CDH9: variants seen among roughly 807,000 people sequenced by gnomAD.
CDH9 encodes the protein cadherin 9, also known as cadherin-9.
In CDH9, 28 loss-of-function variants were observed where a neutral mutation model predicts 70.9. That is an observed-to-expected ratio of 0.40 (90% CI 0.29 to 0.54). The LOEUF is 0.54. Ranked by LOEUF, CDH9 falls within the 20% of genes least tolerant of loss-of-function variation. CDH9 has a pLI of 0.59. For missense variants in CDH9, 874 were observed against 984.4 expected (o/e 0.89, Z 1.50); for synonymous variants, 409 against 343.1 (o/e 1.19, Z -2.12).
intron 2 of CDH9, among the ~76,000 whole-genome samples, chr5:26,985,287 C>T (rs1266673651): frequency 6.6e-6 from 1 of 152,002 alleles, no homozygotes; most frequent in Non-Finnish European, 1.5e-5. Flanking sequence ...AATGGCAGGC[C>T]TTTCCAAAAT....
intron 1 of CDH9, among the ~76,000 whole-genome samples, chr5:27,031,465 C>T (rs925776364): frequency 1.3e-5 from 2 of 151,874 alleles, no homozygotes; most frequent in Non-Finnish European, 2.9e-5. Context: ...AGGAAGATTA[C>T]AATTTATGGT....
At chr5:26,903,400 A>G (rs1026970196) in intron 6 of CDH9, 1 of 619,768 alleles carries the variant, frequency 1.6e-6, no homozygotes, top group Admixed American at 2.7e-5. Context: ...CTTGAAGTTT[A>G]TCTAATTTTA....
At position 26,985,112 on chromosome 5, in the gene CDH9, A is replaced by G. The variant is rs1742466959; in HGVS notation, c.228+2994T>C. Among the ~76,000 whole-genome samples, 3 of 152,160 alleles carry G rather than the reference A, an allele frequency of 2.0e-5. No homozygotes were observed. In the East Asian group the frequency reaches 5.8e-4, roughly 29 times the overall value. On this transcript the variant is annotated intron_variant, in intron 2 of 11. Coordinates refer to ENST00000231021, the MANE Select transcript of CDH9 (RefSeq NM_016279.4). ...TTTACATTTCATGCTGTATGCAAAA[A>G]CAACCAATCCTAGAATTCTGGACCT...
chr5:26,945,430 T>G, intron 2 of CDH9, among the ~76,000 whole-genome samples: 1 of 152,076 alleles, frequency 6.6e-6, no homozygotes, highest in East Asian at 1.9e-4. Context: ...CATTAGAAAA[T>G]AAAAGTTTCT....
intron 2 of CDH9, among the ~76,000 whole-genome samples, chr5:26,922,682 A>G (rs1398720212): frequency 6.6e-6 from 1 of 152,090 alleles, no homozygotes; most frequent in Non-Finnish European, 1.5e-5. Context: ...GTAAGTACCC[A>G]GAAAGACACA....
intron 2 of CDH9, among the ~76,000 whole-genome samples, chr5:26,961,061 T>G (rs1256308114): frequency 6.6e-6 from 1 of 152,204 alleles, no homozygotes; most frequent in South Asian, 2.1e-4. Flanking sequence ...TCTCTTAAAG[T>G]TGATTGCCCA....
intron 6 of CDH9, chr5:26,903,071 T>C (rs562345006): frequency 1.5e-5 from 3 of 199,272 alleles, no homozygotes; most frequent in South Asian, 2.0e-4. Context: ...AGAAGAAAAA[T>C]ATAAAATAGA....
At chr5:27,014,590 T>G (rs2112118556) in intron 1 of CDH9, among the ~76,000 whole-genome samples, 1 of 151,984 alleles carries the variant, frequency 6.6e-6, no homozygotes, top group East Asian at 1.9e-4. Flanking sequence ...TGATAGACAG[T>G]TTTTATTTAA....
Position 26,988,366 on chromosome 5 carries a change from T to C in CDH9, c.-33A>G, listed in dbSNP as rs1554002411. 3 of 1,597,238 alleles carry C rather than the reference T, an allele frequency of 1.9e-6. No individual in the cohort carries two copies. Among genetic ancestry groups the C allele is most frequent in the Non-Finnish European group, 1.7e-6 (2 of 1,169,716 alleles). ...AACTTCAGTGGGTTGTCAAATTCAA[T>C]GTATTGTTTGTTTTTCCTAAAGAGT... On this transcript the variant is annotated 5_prime_UTR_variant, in exon 2 of 12. Transcript: ENST00000231021.
chr5:26,948,988 C>G (rs1312021820), intron 2 of CDH9, among the ~76,000 whole-genome samples: 1 of 152,144 alleles, frequency 6.6e-6, no homozygotes, highest in Non-Finnish European at 1.5e-5. Context: ...TTCTTATCCA[C>G]TGGTGCCAGA....
chr5:26,886,194 C>T, intron 9 of CDH9, 111 bp from the exon 10 acceptor site: 2 of 1,257,246 alleles, frequency 1.6e-6, no homozygotes, highest in East Asian at 5.3e-5. Context: ...GAAAACAAAG[C>T]AAGAAAACAA....
intron 1 of CDH9, among the ~76,000 whole-genome samples, chr5:26,993,176 T>C (rs1286690569): frequency 6.6e-6 from 1 of 151,228 alleles, no homozygotes; most frequent in African/African-American, 2.4e-5. Flanking sequence ...GTAAATGCCA[T>C]TCTAGTGAAC....
chr5:26,981,981 A>C (rs1337485349), intron 2 of CDH9, among the ~76,000 whole-genome samples: 1 of 152,110 alleles, frequency 6.6e-6, no homozygotes, highest in Admixed American at 6.6e-5. Context: ...CTTGTACATA[A>C]ATAATTCTCC....
At chr5:26,987,520 T>C (rs1269934553) in intron 2 of CDH9, among the ~76,000 whole-genome samples, 1 of 152,032 alleles carries the variant, frequency 6.6e-6, no homozygotes, top group Non-Finnish European at 1.5e-5. Context: ...TCCTCAAAAT[T>C]GAACATAAGA....
intron 2 of CDH9, among the ~76,000 whole-genome samples, chr5:26,969,907 T>A (rs1467858741): frequency 1.3e-5 from 2 of 149,410 alleles, no homozygotes; most frequent in Non-Finnish European, 3.0e-5. Flanking sequence ...TGTCTGTGAG[T>A]GCATATGTAC....
intron 2 of CDH9, among the ~76,000 whole-genome samples, chr5:26,950,186 C>T (rs1741820202): frequency 6.6e-6 from 1 of 152,142 alleles, no homozygotes; most frequent in African/African-American, 2.4e-5. Context: ...GTAAGACACT[C>T]ACACTGGAAG....
At chr5:27,033,816 A>G (rs1396141373) in intron 1 of CDH9, among the ~76,000 whole-genome samples, 2 of 151,204 alleles carry the variant, frequency 1.3e-5, no homozygotes, top group Admixed American at 1.3e-4. Flanking sequence ...TCTGGGGAAA[A>G]CTCCCTTAGA....
At chr5:26,930,706 C>G (rs1051903640) in intron 2 of CDH9, among the ~76,000 whole-genome samples, 11 of 152,084 alleles carry the variant, frequency 7.2e-5, no homozygotes, top group African/African-American at 2.7e-4. Context: ...CAGCTCAACT[C>G]TTATCATCAG....
intron 2 of CDH9, among the ~76,000 whole-genome samples, chr5:26,976,877 C>A (rs1301338054): frequency 3.3e-5 from 5 of 151,850 alleles, no homozygotes; most frequent in East Asian, 1.9e-4. Context: ...TATTAGTAAG[C>A]ATAAAATATT....
Sources: allele counts gnomAD v4.1 joint callset (sites outside exome capture counted in the v4.1 genomes callset), GRCh38; gene constraint gnomAD v4.1.1; transcripts MANE v1.5; gene names NCBI Gene and HGNC (gene_info 2026-07-23, HGNC 2026-07-21).